Variants in NSMCE2 observed in about 807,000 individuals in gnomAD.
NSMCE2 encodes the protein NSE2 SUMO ligase component of SMC5/6 complex.
Under a neutral mutation model 23.8 loss-of-function variants are expected in NSMCE2, and 24 were observed. The ratio of observed to expected loss-of-function variants is 1.01; its 90% CI spans 0.73 to 1.42. The LOEUF (loss-of-function observed/expected upper bound fraction) is 1.42, where lower values mean the gene tolerates loss of function less well. Ranked by LOEUF, NSMCE2 falls within the 40% of genes most tolerant of loss-of-function variation. NSMCE2 has a pLI of 0.00. For synonymous variants in NSMCE2, 92 were observed against 94.1 expected, an observed-to-expected ratio of 0.98 and a Z score of 0.13; for missense variants, 284 against 296.5, an observed-to-expected ratio of 0.96 and a Z score of 0.31.
intron 5 of NSMCE2, among the ~76,000 whole-genome samples, chr8:125,266,908 A>C (rs1826938616): frequency 6.6e-6 from 1 of 152,164 alleles, no homozygotes; most frequent in South Asian, 2.1e-4. Flanking sequence ...GGAATATCAC[A>C]GGACAAAAAC....
chr8:125,103,606 T>C (rs1339843393), intron 3 of NSMCE2, among the ~76,000 whole-genome samples: 2 of 152,216 alleles, frequency 1.3e-5, no homozygotes, highest in African/African-American at 4.8e-5. Flanking sequence ...GTGACTCACA[T>C]TTCATGTATG....
intron 5 of NSMCE2, among the ~76,000 whole-genome samples, chr8:125,269,194 T>A (rs1827074737): frequency 6.6e-6 from 1 of 152,102 alleles, no homozygotes; most frequent in Non-Finnish European, 1.5e-5. Flanking sequence ...TTCCAGTGAT[T>A]CTCTTGCCTT....
chr8:125,129,909 C>T (rs1198851742), intron 3 of NSMCE2, among the ~76,000 whole-genome samples: 1 of 152,136 alleles, frequency 6.6e-6, no homozygotes, highest in Non-Finnish European at 1.5e-5. Flanking sequence ...AGATCTTATA[C>T]TACCATGGTA....
chr8:125,169,622 C>G (rs562673473), intron 4 of NSMCE2, among the ~76,000 whole-genome samples: 113 of 152,288 alleles, frequency 7.4e-4, no homozygotes, highest in East Asian at 5.8e-3. Context: ...CCTCCATTCC[C>G]ATGTTCACAG....
chr8:125,337,779 CAACT>C (rs1010133439), intron 5 of NSMCE2, among the ~76,000 whole-genome samples: 2 of 150,838 alleles, frequency 1.3e-5, no homozygotes, highest in African/African-American at 4.9e-5. Context: ...GCTGTAATCC[CAACT>C]ACTCAGGAGG....
Position 125,347,401 on chromosome 8 carries a change from C to G in NSMCE2, c.419-9818C>G, listed in dbSNP as rs570765724. On this transcript the variant is annotated intron_variant, in intron 5 of 7. Coordinates refer to ENST00000287437, the MANE Select transcript of NSMCE2 (RefSeq NM_173685.4). ...TAGGAGGCTCACCTTGACTCTTCCCCTACCTCCAGAGATACTTTTGTACTT... is the reference window on the plus strand; with the variant it reads ...TAGGAGGCTCACCTTGACTCTTCCCGTACCTCCAGAGATACTTTTGTACTT... Among the ~76,000 whole-genome samples the G allele has an allele frequency of 2.0e-5, 3 of 152,290 alleles. No homozygotes were observed. In the East Asian group the frequency reaches 5.8e-4, roughly 29 times the overall value.
intron 4 of NSMCE2, among the ~76,000 whole-genome samples, chr8:125,179,433 T>A (rs1341782647): frequency 1.3e-5 from 2 of 152,204 alleles, no homozygotes; most frequent in African/African-American, 4.8e-5. Context: ...TTTTTTCCTT[T>A]CATTAATCTG....
chr8:125,340,003 T>G (rs985203590), intron 5 of NSMCE2, among the ~76,000 whole-genome samples: 12 of 107,810 alleles, frequency 1.1e-4, no homozygotes, highest in Admixed American at 2.1e-4. Flanking sequence ...GACGTTGTAG[T>G]TTTTTTTTGT....
chr8:125,326,660 A>C (rs891271274), intron 5 of NSMCE2, among the ~76,000 whole-genome samples: 1 of 152,188 alleles, frequency 6.6e-6, no homozygotes, highest in African/African-American at 2.4e-5. Context: ...TTGGTTAAAA[A>C]GATAAAAAAG....
intron 5 of NSMCE2, among the ~76,000 whole-genome samples, chr8:125,267,003 CTTT>C (rs35990794): frequency 2.7e-5 from 3 of 111,978 alleles, no homozygotes; most frequent in Admixed American, 2.3e-4. Context: ...TTTTTTCTTT[CTTT>C]TTTTTTTTTT....
intron 5 of NSMCE2, among the ~76,000 whole-genome samples, chr8:125,275,021 A>G (rs1203217585): frequency 6.7e-6 from 1 of 149,280 alleles, no homozygotes; most frequent in Non-Finnish European, 1.5e-5. Context: ...AATAATAATA[A>G]TAATAATAAT....
intron 5 of NSMCE2, among the ~76,000 whole-genome samples, chr8:125,203,171 C>T (rs527897213): frequency 6.6e-6 from 1 of 151,314 alleles, no homozygotes; most frequent in South Asian, 2.1e-4. Flanking sequence ...GCTGTTTGAG[C>T]TCAGTTGTTT....
intron 4 of NSMCE2, among the ~76,000 whole-genome samples, chr8:125,158,466 G>T (rs899893744): frequency 1.3e-5 from 2 of 152,160 alleles, no homozygotes; most frequent in Admixed American, 6.5e-5. Context: ...CAGCAGAATG[G>T]GCAGGAAACG....
chr8:125,267,285 G>T (rs1826962633), intron 5 of NSMCE2, among the ~76,000 whole-genome samples: 1 of 152,100 alleles, frequency 6.6e-6, no homozygotes, highest in Admixed American at 6.5e-5. Context: ...AGGATTACAG[G>T]CCTGAGCCAC....
intron 5 of NSMCE2, among the ~76,000 whole-genome samples, chr8:125,354,290 A>G (rs1242074559): frequency 6.6e-6 from 1 of 152,212 alleles, no homozygotes; most frequent in Non-Finnish European, 1.5e-5. Context: ...TAGGTTGGCT[A>G]CCAGTAACTG....
intron 3 of NSMCE2, among the ~76,000 whole-genome samples, chr8:125,148,414 A>G (rs565571395): frequency 2.6e-5 from 4 of 152,246 alleles, no homozygotes; most frequent in African/African-American, 9.6e-5. Flanking sequence ...TAGCATTTTG[A>G]ATATCTTAGG....
chr8:125,195,463 G>C (rs905462505), intron 5 of NSMCE2, among the ~76,000 whole-genome samples: 1 of 152,152 alleles, frequency 6.6e-6, no homozygotes, highest in Non-Finnish European at 1.5e-5. Flanking sequence ...ATAGTCATAA[G>C]CACATACATA....
At chr8:125,093,616 G>A (rs1817785370) in intron 1 of NSMCE2, among the ~76,000 whole-genome samples, 1 of 152,046 alleles carries the variant, frequency 6.6e-6, no homozygotes, top group African/African-American at 2.4e-5. Context: ...CCAGCTACTC[G>A]GGAGGCTGAG....
At chr8:125,319,945 G>C (rs1257418981) in intron 5 of NSMCE2, among the ~76,000 whole-genome samples, 1 of 152,082 alleles carries the variant, frequency 6.6e-6, no homozygotes, top group African/African-American at 2.4e-5. Flanking sequence ...GGAGGCCAAG[G>C]CTGGCAGATC....
Sources: gnomAD v4.1 joint callset for allele counts (sites outside exome capture counted in the v4.1 genomes callset) on GRCh38, gnomAD v4.1.1 for gene constraint, MANE v1.5 for transcripts, NCBI Gene and HGNC (gene_info 2026-07-23, HGNC 2026-07-21) for gene names.